Variants in CDHR1 observed in about 807,000 individuals in gnomAD.
CDHR1 encodes the protein cadherin related family member 1, also known as cadherin-related family member 1.
CDHR1 carries 61 observed loss-of-function variants against 72.1 expected under a neutral mutation model. The observed-to-expected ratio is 0.85, with a 90% CI of 0.69 to 1.05. The LOEUF is 1.05. Among genes scored for constraint, CDHR1 ranks in the 50% least tolerant of loss-of-function variants. The pLI, the probability that CDHR1 is intolerant of heterozygous loss-of-function variation, is 0.00. For synonymous variants in CDHR1, 470 were observed against 448.1 expected (o/e 1.05, Z -0.62); for missense variants, 1,186 against 1,115.7 (o/e 1.06, Z -0.90).
At chr10:84,219,162 A>G (rs1842471213), downstream of CDHR1, 1 of 1,549,832 alleles carries the variant, frequency 6.5e-7, no homozygotes, top group Non-Finnish European at 8.7e-7. Context: ...AGCCCAAGAA[A>G]CCACATTCCA....
chr10:84,195,802 C>A (rs576067419), intron 2 of CDHR1, among the ~76,000 whole-genome samples: 9 of 152,332 alleles, frequency 5.9e-5, no homozygotes, highest in East Asian at 5.8e-4. Context: ...GGCTCCCCCC[C>A]ACAGACAGGG....
In CDHR1 at chr10:84,214,832, A is replaced by T. The variant is rs746710108; in HGVS notation, c.*211A>T. ...CTCTAGTCAGGGCCTTGGGCAAGACATTGGGCTCTAGGATGCAATTGGCAA... is the reference window on the plus strand; with the variant it reads ...CTCTAGTCAGGGCCTTGGGCAAGACTTTGGGCTCTAGGATGCAATTGGCAA... On this transcript the variant is annotated 3_prime_UTR_variant, in exon 17 of 17. Transcript: ENST00000623527. The T allele has an allele frequency of 6.8e-7, 1 of 1,481,460 alleles. No individual in the cohort carries two copies. Among genetic ancestry groups the T allele is most frequent in the Non-Finnish European group, 8.9e-7 (1 of 1,127,660 alleles). The allele number at this position is 1,481,460 out of a possible 1,614,324, so 91.8% of individuals were successfully genotyped here. A position where few individuals can be genotyped will look rare whatever the true frequency, so the allele number is the denominator to read the frequency against.
chr10:84,211,424 G>A (rs1842329681), intron 13 of CDHR1, among the ~76,000 whole-genome samples: 1 of 152,124 alleles, frequency 6.6e-6, no homozygotes, highest in African/African-American at 2.4e-5. Context: ...ATTTATAAAG[G>A]AGGGATGAGT....
rs764276288 is a variant in CDHR1 at position 84,208,373 on chromosome 10, A to G, written c.1163A>G (p.Asp388Gly). The G allele has an allele frequency of 6.2e-7, 1 of 1,614,128 alleles. No individual in the cohort carries two copies. The highest frequency in any genetic ancestry group is 8.5e-7 in the Non-Finnish European group (1 of 1,180,004). ...CTCAAGATCACCGTCAATGACTCCG[A>G]CCAGGTGTGTGGTCCTGCCCTCCGC... ...RGLKITVNDSDQGANAKFNLQ... is the reference protein window; with the variant it reads ...RGLKITVNDSGQGANAKFNLQ... The change falls in exon 11 of 17, where the codon GAC becomes GGC. Residue 388 changes from aspartate (D) to glycine (G), a missense_variant. Transcript: ENST00000623527.
chr10:84,208,380 G>A lies in CDHR1; in HGVS notation c.1167+3G>A, dbSNP rs1842268273. On this transcript the variant is annotated splice_donor_region_variant and intron_variant, in intron 11 of 16. Transcript: ENST00000623527. ...TCACCGTCAATGACTCCGACCAGGT[G>A]TGTGGTCCTGCCCTCCGCTCTGCCT... 6 of 1,614,100 alleles carry A rather than the reference G, an allele frequency of 3.7e-6. No individual in the cohort carries two copies. Among genetic ancestry groups the A allele is most frequent in the Non-Finnish European group, 5.1e-6 (6 of 1,179,986 alleles).
At chr10:84,213,001 C>A in intron 15 of CDHR1, 90 bp from the exon 16 acceptor site, 2 of 1,516,482 alleles carry the variant, frequency 1.3e-6, no homozygotes, top group Non-Finnish European at 9.2e-7. Flanking sequence ...TCCCATCAAC[C>A]CAGCAAGCCC....
downstream of CDHR1, chr10:84,219,242 C>A: frequency 6.4e-7 from 1 of 1,550,634 alleles, no homozygotes; most frequent in Non-Finnish European, 8.7e-7. Flanking sequence ...AATCTGTACT[C>A]TAGAGTTTTT....
intron 16 of CDHR1, among the ~76,000 whole-genome samples, chr10:84,213,847 G>T (rs538129787): frequency 6.6e-6 from 1 of 152,316 alleles, no homozygotes; most frequent in South Asian, 2.1e-4. Context: ...TATTGTACCA[G>T]AGAGTGGTCT....
chr10:84,210,796 G>C (rs1187379890), intron 12 of CDHR1, among the ~76,000 whole-genome samples: 1 of 152,184 alleles, frequency 6.6e-6, no homozygotes, highest in African/African-American at 2.4e-5. Flanking sequence ...TGATAAGAAA[G>C]CTAGCATTAC....
intron 16 of CDHR1, among the ~76,000 whole-genome samples, chr10:84,213,600 C>T (rs529198718): frequency 1.3e-5 from 2 of 152,294 alleles, no homozygotes; most frequent in East Asian, 3.9e-4. Context: ...GATAAGGATG[C>T]CTCCTTCACA....
At position 84,216,966 on chromosome 10, in the gene CDHR1, G is replaced by A. The variant is rs955057454; in HGVS notation, c.*2345G>A. On this transcript the variant is annotated 3_prime_UTR_variant, in exon 17 of 17. Coordinates refer to ENST00000623527, the MANE Select transcript of CDHR1 (RefSeq NM_033100.4). ...GAAGCTTGGGCTTGCAAGTGGATCCGGGACCGAGGGTGGTCTCTTGGACAA... is the reference window on the plus strand; with the variant it reads ...GAAGCTTGGGCTTGCAAGTGGATCCAGGACCGAGGGTGGTCTCTTGGACAA... 3.0e-5 allele frequency: 30 copies of A among 985,360 alleles called. No individual in the cohort carries two copies. The highest frequency in any genetic ancestry group is 1.1e-4 in the East Asian group (1 of 8,814). 61.0% of individuals were successfully genotyped at this position (985,360 alleles called of 1,614,324 possible).
intron 6 of CDHR1, among the ~76,000 whole-genome samples, 180 bp downstream of exon 6, chr10:84,200,867 G>A (rs1188351438): frequency 1.1e-4 from 16 of 152,116 alleles, no homozygotes; most frequent in Admixed American, 9.8e-4. Context: ...CCCCTGATGG[G>A]CCCATCCTGG....
At chr10:84,209,540 A>G (rs1408967674) in intron 12 of CDHR1, among the ~76,000 whole-genome samples, 1 of 152,102 alleles carries the variant, frequency 6.6e-6, no homozygotes, top group Non-Finnish European at 1.5e-5. Flanking sequence ...TTCCTGGATA[A>G]GGAAAGGAAG....
At position 84,215,497 on chromosome 10, in the gene CDHR1, T is replaced by C. The variant is rs565119032; in HGVS notation, c.*876T>C. ...ATCAGGGCTGAGATGTGGTGAGACT[T>C]CCGTTTTTATCCAGCTCTTTTGCTC... is the stretch of plus-strand genomic sequence containing the variant. On this transcript the variant is annotated 3_prime_UTR_variant, in exon 17 of 17. Coordinates refer to ENST00000623527, the MANE Select transcript of CDHR1 (RefSeq NM_033100.4). 36 of 967,194 alleles carry C rather than the reference T, an allele frequency of 3.7e-5. No individual in the cohort carries two copies. In the African/African-American group the frequency reaches 6.1e-4, roughly 16 times the overall value. The allele number at this position is 967,194 out of a possible 1,614,324, so 59.9% of individuals were successfully genotyped here.
At chr10:84,218,777 T>G, downstream of CDHR1, 1 of 1,004,774 alleles carries the variant, frequency 1.0e-6, no homozygotes, top group Non-Finnish European at 1.2e-6. Context: ...TTATTACATA[T>G]ATATATTTAT....
At chr10:84,201,546 A>T (rs767397541) in intron 6 of CDHR1, among the ~76,000 whole-genome samples, 21 of 152,198 alleles carry the variant, frequency 1.4e-4, no homozygotes, top group Admixed American at 5.2e-4. Flanking sequence ...GCCCAAGAAA[A>T]TTTGCTTTCC....
chr10:84,204,357 G>T (rs998404300), intron 8 of CDHR1, among the ~76,000 whole-genome samples, 170 bp from the exon 9 acceptor site: 6 of 152,160 alleles, frequency 3.9e-5, no homozygotes, highest in African/African-American at 1.4e-4. Flanking sequence ...AGGCCAGTGG[G>T]TGCTTCGATC....
At chr10:84,204,477 G>A in intron 8 of CDHR1, 50 bp from the exon 9 acceptor site, 2 of 1,275,382 alleles carry the variant, frequency 1.6e-6, no homozygotes, top group Non-Finnish European at 2.3e-6. Flanking sequence ...TTGGGGAGGG[G>A]AGGGTCCCCA....
chr10:84,213,014 T>C (rs1026848234), intron 15 of CDHR1, 77 bp from the exon 16 acceptor site: 124 of 1,579,370 alleles, frequency 7.9e-5, no homozygotes, highest in Non-Finnish European at 1.1e-4. Flanking sequence ...GCAAGCCCCA[T>C]ATGACGTGCT....
Sources: gnomAD v4.1 joint callset for allele counts (sites outside exome capture counted in the v4.1 genomes callset) on GRCh38, gnomAD v4.1.1 for gene constraint, MANE v1.5 for transcripts, NCBI Gene and HGNC (gene_info 2026-07-23, HGNC 2026-07-21) for gene names.